Variants in KCNE1 observed in about 807,000 individuals in gnomAD.
KCNE1 encodes potassium voltage-gated channel subfamily E regulatory subunit 1.
A neutral mutation model predicts 2.9 loss-of-function variants in KCNE1; 1 was observed. The observed-to-expected ratio is 0.34, with a 90% CI of 0.12 to 1.62. KCNE1 has a LOEUF of 1.62. Ranked by LOEUF, KCNE1 falls within the 40% of genes most tolerant of loss-of-function variation. KCNE1 has a pLI of 0.36. For synonymous variants in KCNE1, 23 were observed against 65.4 expected, an observed-to-expected ratio of 0.35 and a Z score of 3.13; for missense variants, 45 against 150.5, an observed-to-expected ratio of 0.30 and a Z score of 3.67.
At chr21:34,507,632 G>A (rs917174028) in intron 2 of KCNE1, among the ~76,000 whole-genome samples, 2 of 152,200 alleles carry the variant, frequency 1.3e-5, no homozygotes, top group African/African-American at 2.4e-5. Flanking sequence ...GCACAGGAAA[G>A]GACCTAGAGA....
At chr21:34,500,926 G>A (rs1320791146) in intron 2 of KCNE1, among the ~76,000 whole-genome samples, 3 of 152,136 alleles carry the variant, frequency 2.0e-5, no homozygotes, top group South Asian at 2.1e-4. Context: ...CCTATCTCTC[G>A]ATATTTGGTT....
At chr21:34,505,293 C>T (rs2123523254) in intron 2 of KCNE1, among the ~76,000 whole-genome samples, 1 of 152,260 alleles carries the variant, frequency 6.6e-6, no homozygotes, top group African/African-American at 2.4e-5. Flanking sequence ...GACACCACAC[C>T]CGACTAATCT....
chr21:34,500,475 T>G (rs1983097297), intron 2 of KCNE1, among the ~76,000 whole-genome samples: 1 of 152,270 alleles, frequency 6.6e-6, no homozygotes, highest in East Asian at 1.9e-4. Context: ...AATTTTGGAC[T>G]GCTTTCTCTG....
chr21:34,499,025 AGTTTGGCATGTCTGGG>A (rs1982985382), intron 2 of KCNE1, among the ~76,000 whole-genome samples: 1 of 152,156 alleles, frequency 6.6e-6, no homozygotes, highest in East Asian at 1.9e-4. Flanking sequence ...GTGGGGGCAG[AGTTTGGCATGTCTGGG>A]CTCAGACTCT....
chr21:34,503,554 C>T (rs141437816), intron 2 of KCNE1, among the ~76,000 whole-genome samples: 1 of 152,340 alleles, frequency 6.6e-6, no homozygotes. Context: ...GGCTGTAAGT[C>T]CTAACCCTCT....
chr21:34,504,249 G>A lies in KCNE1; in HGVS notation c.-162+6852C>T, dbSNP rs1568863595. 2.0e-5 allele frequency among the ~76,000 whole-genome samples: 3 copies of A among 152,334 alleles called. No individual in the cohort carries two copies. In the South Asian group the frequency reaches 6.2e-4, roughly 32 times the overall value. On this transcript the variant is annotated intron_variant, in intron 2 of 3. Transcript: ENST00000399286. ...TGAGGAAGAGGAGTTGGGAGAGTGA[G>A]AAGGTAGGATGTTGCACAGGATGAG...
intron 2 of KCNE1, among the ~76,000 whole-genome samples, chr21:34,505,051 C>T (rs767713469): frequency 2.0e-5 from 3 of 152,060 alleles, no homozygotes; most frequent in East Asian, 1.9e-4. Flanking sequence ...ATTAAATGGG[C>T]GAATTGTATA....
At chr21:34,497,163 A>G (rs1601093700) in intron 2 of KCNE1, among the ~76,000 whole-genome samples, 1 of 152,078 alleles carries the variant, frequency 6.6e-6, no homozygotes, top group East Asian at 1.9e-4. Flanking sequence ...TTTACATTCA[A>G]CTTTAGTGCT....
chr21:34,506,789 T>G (rs1009594108), intron 2 of KCNE1, among the ~76,000 whole-genome samples: 5 of 152,182 alleles, frequency 3.3e-5, no homozygotes, highest in Non-Finnish European at 7.3e-5. Context: ...AGAGTTGTGC[T>G]GGGGAATGCA....
chr21:34,509,468 G>GT (rs1983704289), intron 2 of KCNE1: 1 of 147,334 alleles, frequency 6.8e-6, no homozygotes, highest in African/African-American at 2.5e-5. Flanking sequence ...CTTTTTTTTT[G>GT]TTTTTGAGAC....
intron 2 of KCNE1, among the ~76,000 whole-genome samples, chr21:34,506,614 G>C (rs1983503632): frequency 6.6e-6 from 1 of 152,210 alleles, no homozygotes; most frequent in African/African-American, 2.4e-5. Flanking sequence ...TAAAGAAGAA[G>C]GAATTGAATT....
chr21:34,498,058 C>A (rs774850760), intron 2 of KCNE1, among the ~76,000 whole-genome samples: 2 of 151,954 alleles, frequency 1.3e-5, no homozygotes, highest in African/African-American at 4.8e-5. Context: ...TTTATGATAT[C>A]TATTTATCTG....
intron 2 of KCNE1, among the ~76,000 whole-genome samples, chr21:34,498,338 A>G (rs540069255): frequency 4.6e-5 from 7 of 152,352 alleles, no homozygotes; most frequent in South Asian, 2.1e-4. Context: ...GAATATTTCA[A>G]TGGAAAGATC....
chr21:34,506,156 T>C (rs938313647), intron 2 of KCNE1, among the ~76,000 whole-genome samples: 4 of 152,214 alleles, frequency 2.6e-5, no homozygotes, highest in Non-Finnish European at 5.9e-5. Flanking sequence ...TATAGCCATA[T>C]TGCAGGCCGG....
At position 34,446,790 on chromosome 21, in the gene KCNE1, T is replaced by C. The variant is rs543391377; in HGVS notation, c.*2455A>G. On this transcript the variant is annotated 3_prime_UTR_variant, in exon 4 of 4. Coordinates refer to ENST00000399286, the MANE Select transcript of KCNE1 (RefSeq NM_000219.6). ...TAGAGTATTGCCTGCAAAATAATAA[T>C]TGAGATTCTATTTTTAAGAAGCTTA... 9.9e-5 allele frequency: 8 copies of C among 80,632 alleles called. No individual in the cohort carries two copies. The highest frequency in any genetic ancestry group is 1.9e-4 in the African/African-American group (4 of 21,598). 5.0% of individuals were successfully genotyped at this position (80,632 alleles called of 1,614,324 possible).
intron 2 of KCNE1, among the ~76,000 whole-genome samples, chr21:34,495,835 T>C (rs1348269323): frequency 6.6e-6 from 1 of 152,158 alleles, no homozygotes; most frequent in East Asian, 1.9e-4. Flanking sequence ...TCATCTTTTT[T>C]GTTTCACTTA....
chr21:34,503,699 G>A (rs1983306916), intron 2 of KCNE1, among the ~76,000 whole-genome samples: 1 of 152,202 alleles, frequency 6.6e-6, no homozygotes, highest in Non-Finnish European at 1.5e-5. Context: ...AAACATGGAT[G>A]AAGACCAAAT....
intron 2 of KCNE1, among the ~76,000 whole-genome samples, chr21:34,505,896 G>A (rs1212867215): frequency 6.6e-6 from 1 of 152,208 alleles, no homozygotes; most frequent in African/African-American, 2.4e-5. Flanking sequence ...ACAAGCAAAG[G>A]TCCTGCCTCC....
intron 2 of KCNE1, among the ~76,000 whole-genome samples, chr21:34,506,452 T>C (rs1351598381): frequency 1.3e-5 from 2 of 152,090 alleles, no homozygotes; most frequent in Admixed American, 1.3e-4. Context: ...TGTGAACACA[T>C]TACATTGTCT....
Sources: gnomAD v4.1 joint callset for allele counts (sites outside exome capture counted in the v4.1 genomes callset) on GRCh38, gnomAD v4.1.1 for gene constraint, MANE v1.5 for transcripts, NCBI Gene and HGNC (gene_info 2026-07-23, HGNC 2026-07-21) for gene names.